The following NEBL variants were observed in gnomAD, a reference collection of about 807,000 sequenced individuals.
NEBL encodes the protein LIM and SH3 protein 2.
Under a neutral mutation model 140.2 loss-of-function variants are expected in NEBL, and 122 were observed. The observed-to-expected ratio is 0.87, with a 90% CI of 0.75 to 1.01. The LOEUF is 1.01. Ranked by LOEUF, NEBL falls within the 50% of genes least tolerant of loss-of-function variation. The probability of loss-of-function intolerance (pLI) is 0.00; values close to 1 mark genes in which losing one functional copy is unlikely to be tolerated. For synonymous variants in NEBL, 436 were observed against 398.9 expected (o/e 1.09, Z -1.11); for missense variants, 1,365 against 1,231.3 (o/e 1.11, Z -1.62).
At chr10:21,104,943 C>A (rs61851468) in intron 2 of NEBL, among the ~76,000 whole-genome samples, 1 of 152,062 alleles carries the variant, frequency 6.6e-6, no homozygotes, top group Non-Finnish European at 1.5e-5. Flanking sequence ...ATTGATGTTG[C>A]GCATAGTAAA....
intron 4 of NEBL, among the ~76,000 whole-genome samples, chr10:20,923,666 CAAAA>C (rs71390799): frequency 0.014 from 395 of 28,322 alleles, no homozygotes; most frequent in African/African-American, 0.046. Context: ...GACTCCGTCT[CAAAA>C]AAAAAAAAAA....
intron 26 of NEBL, among the ~76,000 whole-genome samples, chr10:20,797,254 C>T (rs1253547562): frequency 2.6e-5 from 4 of 152,106 alleles, no homozygotes; most frequent in Admixed American, 6.5e-5. Context: ...GTCATTATTC[C>T]ACTGCAGAGG....
At chr10:20,817,806 G>A (rs998630827) in intron 20 of NEBL, 114 bp from the exon 21 acceptor site, 7 of 861,244 alleles carry the variant, frequency 8.1e-6, no homozygotes, top group Admixed American at 1.8e-5. Context: ...TTCCACAGTT[G>A]ATTACATCAA....
At chr10:20,888,767 A>G (rs562960325) in intron 3 of NEBL, among the ~76,000 whole-genome samples, 111 of 152,354 alleles carry the variant, frequency 7.3e-4, no homozygotes, top group African/African-American at 2.4e-3. Context: ...AAGGGAACAC[A>G]ATAGATTGCT....
chr10:20,792,399 A>G (rs997400592), intron 26 of NEBL, among the ~76,000 whole-genome samples: 2 of 152,196 alleles, frequency 1.3e-5, no homozygotes, highest in African/African-American at 4.8e-5. Context: ...TTTTTAGGAC[A>G]AAGAACCCCT....
At chr10:21,185,790 G>A (rs569596016) in intron 3 of NEBL, among the ~76,000 whole-genome samples, 24 of 152,168 alleles carry the variant, frequency 1.6e-4, no homozygotes, top group South Asian at 6.2e-4. Context: ...GACCCACTGC[G>A]CCCTACCTCT....
At chr10:21,225,931 T>C (rs146867546) in intron 3 of NEBL, among the ~76,000 whole-genome samples, 2 of 152,102 alleles carry the variant, frequency 1.3e-5, no homozygotes, top group African/African-American at 4.8e-5. Flanking sequence ...TACTCTTCCC[T>C]CTCCTTTCCT....
intron 4 of NEBL, among the ~76,000 whole-genome samples, chr10:20,918,298 C>A (rs1191146045): frequency 6.6e-6 from 1 of 152,034 alleles, no homozygotes. Context: ...GCAGAGATTG[C>A]AGTGAGCTGA....
At chr10:20,857,532 C>T (rs923453285) in intron 9 of NEBL, among the ~76,000 whole-genome samples, 1 of 152,082 alleles carries the variant, frequency 6.6e-6, no homozygotes, top group African/African-American at 2.4e-5. Flanking sequence ...CAAATAAGAG[C>T]TCATTGCCAC....
intron 4 of NEBL, among the ~76,000 whole-genome samples, chr10:20,950,152 A>G: frequency 6.6e-6 from 1 of 152,196 alleles, no homozygotes; most frequent in East Asian, 1.9e-4. Flanking sequence ...TGTCAGGCTA[A>G]CTACAAGCCG....
chr10:21,228,810 TAC>T (rs1316345773), intron 3 of NEBL, among the ~76,000 whole-genome samples: 1 of 152,214 alleles, frequency 6.6e-6, no homozygotes, highest in African/African-American at 2.4e-5. Context: ...GCAGGCCTGT[TAC>T]AGTCATTCAT....
chr10:20,862,641 T>C (rs1843833559), intron 7 of NEBL, among the ~76,000 whole-genome samples: 1 of 152,214 alleles, frequency 6.6e-6, no homozygotes, highest in East Asian at 1.9e-4. Flanking sequence ...TTTCCTTGAC[T>C]ATAACTTGTT....
intron 3 of NEBL, among the ~76,000 whole-genome samples, chr10:21,242,987 T>C (rs569148845): frequency 6.6e-6 from 1 of 152,210 alleles, no homozygotes; most frequent in East Asian, 1.9e-4. Context: ...GGGTTTTGGG[T>C]AAATAGTGTT....
At position 20,952,904 on chromosome 10, in the gene NEBL, C is replaced by CAAAAA. The variant is rs34713711; in HGVS notation, c.357+8763_357+8767dup. On this transcript the variant is annotated intron_variant, in intron 4 of 6. Transcript: ENST00000417816. ...TGGGTGACAGAGTGAGACCCTGTCT[C>CAAAAA]AAAAAAAAAAAAAAAAAAAAAGAAA... 1.0e-3 allele frequency among the ~76,000 whole-genome samples: 64 copies of CAAAAA among 62,264 alleles called. 2 individuals are homozygous for CAAAAA. The highest frequency in any genetic ancestry group is 2.8e-3 in the African/African-American group (39 of 13,950). 40.8% of individuals were successfully genotyped at this position (62,264 alleles called of 152,430 possible). A position where few individuals can be genotyped will look rare whatever the true frequency, so the allele number is the denominator to read the frequency against.
At chr10:20,905,662 C>G (rs900025038) in intron 4 of NEBL, among the ~76,000 whole-genome samples, 8 of 152,104 alleles carry the variant, frequency 5.3e-5, no homozygotes, top group African/African-American at 1.9e-4. Flanking sequence ...GAAAAGGATA[C>G]TGAAAATGGA....
chr10:20,946,952 C>A (rs966101439), intron 4 of NEBL, among the ~76,000 whole-genome samples: 2 of 151,986 alleles, frequency 1.3e-5, no homozygotes, highest in South Asian at 4.1e-4. Flanking sequence ...GCTCACCACC[C>A]CAAGATCCCC....
chr10:21,064,146 T>G (rs1835427676), intron 2 of NEBL, among the ~76,000 whole-genome samples: 1 of 152,182 alleles, frequency 6.6e-6, no homozygotes, highest in South Asian at 2.1e-4. Context: ...GTGTCTGTTG[T>G]TTAAATAATC....
Position 21,001,643 on chromosome 10 carries a change from TG to T in NEBL, c.249+18473del, listed in dbSNP as rs1218111924. Among the ~76,000 whole-genome samples the T allele has an allele frequency of 9.9e-5, 15 of 151,890 alleles. No individual in the cohort carries two copies. In the East Asian group the frequency reaches 2.9e-3, roughly 29 times the overall value. On this transcript the variant is annotated intron_variant, in intron 3 of 6. Coordinates refer to the NEBL transcript ENST00000417816. ...ATATACTCACAACTTTTTTTTTTTT[TG>T]TCTTTAGCCCATTTATGCCTAGTGT...
chr10:21,035,497 C>A (rs998489086), intron 2 of NEBL, among the ~76,000 whole-genome samples: 1 of 152,202 alleles, frequency 6.6e-6, no homozygotes, highest in African/African-American at 2.4e-5. Flanking sequence ...AAGGCAGAAT[C>A]TAATCACAAA....
Sources: gnomAD v4.1 joint callset for allele counts (sites outside exome capture counted in the v4.1 genomes callset) on GRCh38, gnomAD v4.1.1 for gene constraint, MANE v1.5 for transcripts, NCBI Gene and HGNC (gene_info 2026-07-23, HGNC 2026-07-21) for gene names.